Variants in EML1 observed in about 807,000 individuals in gnomAD.
The protein encoded by EML1 is EMAP like 1.
In EML1, 27 loss-of-function variants were observed where a neutral mutation model predicts 110.4. The ratio of observed to expected loss-of-function variants is 0.24; its 90% CI spans 0.18 to 0.34. The LOEUF is 0.34. Ranked by LOEUF, EML1 falls within the 10% of genes least tolerant of loss-of-function variation. The pLI, the probability that EML1 is intolerant of heterozygous loss-of-function variation, is 1.00. For missense variants in EML1, 741 were observed against 1,030.9 expected (o/e 0.72, Z 3.85); for synonymous variants, 344 against 385.8 (o/e 0.89, Z 1.27).
chr14:99,927,800 TGGGGGG>T (rs1242810612), intron 17 of EML1, among the ~76,000 whole-genome samples: 6 of 1,460 alleles, frequency 4.1e-3, no homozygotes, highest in Non-Finnish European at 5.5e-3. Context: ...GTATTGGTGG[TGGGGGG>T]GGTGGGGGGG....
At chr14:99,739,156 T>TGTGTGTGGG (rs2057011852) in intron 1 of EML1, among the ~76,000 whole-genome samples, 1 of 91,004 alleles carries the variant, frequency 1.1e-5, no homozygotes, top group African/African-American at 4.8e-5. Context: ...GTGTGTGTGT[T>TGTGTGTGGG]GGGGAGGGGT....
intron 1 of EML1, among the ~76,000 whole-genome samples, chr14:99,843,535 C>T (rs1481755119): frequency 6.6e-6 from 1 of 152,190 alleles, no homozygotes; most frequent in Non-Finnish European, 1.5e-5. Context: ...AATATTATAA[C>T]AACCCTATGA....
At chr14:99,914,332 A>G in intron 14 of EML1, 28 bp downstream of exon 14, 1 of 1,597,006 alleles carries the variant, frequency 6.3e-7, no homozygotes, top group Non-Finnish European at 8.6e-7. Flanking sequence ...AGGCCCGGCA[A>G]ACACTCTCAT....
chr14:99,819,262 G>A (rs1314828991), intron 1 of EML1, among the ~76,000 whole-genome samples: 1 of 152,140 alleles, frequency 6.6e-6, no homozygotes. Context: ...GCCAGAACAT[G>A]CTTTTAAATG....
rs1000845252 is a variant in EML1, at chr14:99,941,763, G to A, written c.*1651G>A. ...GCCTAATTACCATACTCAATTGTCA[G>A]TTTACGTGGTTTTGTGAATACTGGC... On this transcript the variant is annotated 3_prime_UTR_variant, in exon 22 of 22. Coordinates refer to ENST00000262233, the MANE Select transcript of EML1 (RefSeq NM_004434.3). The A allele has an allele frequency of 6.6e-6, 1 of 152,162 alleles. No individual in the cohort carries two copies. The highest frequency in any genetic ancestry group is 1.5e-5 in the Non-Finnish European group (1 of 68,038). The allele number at this position is 152,162 out of a possible 1,614,324, so 9.4% of individuals were successfully genotyped here.
intron 1 of EML1, among the ~76,000 whole-genome samples, chr14:99,766,854 A>G (rs57791716): frequency 1.1e-4 from 17 of 152,174 alleles, no homozygotes; most frequent in African/African-American, 4.1e-4. Context: ...AAATGTTTGC[A>G]TGGAGAGAGA....
intron 2 of EML1, among the ~76,000 whole-genome samples, chr14:99,864,433 T>C (rs916656888): frequency 6.6e-6 from 1 of 152,234 alleles, no homozygotes; most frequent in African/African-American, 2.4e-5. Flanking sequence ...CTAGAAGTTT[T>C]ATAGTTTTGC....
intron 1 of EML1, among the ~76,000 whole-genome samples, chr14:99,747,063 C>T (rs1474705835): frequency 6.6e-6 from 1 of 151,870 alleles, no homozygotes. Flanking sequence ...ACCCGGGCAC[C>T]TGTAGTCCCA....
At position 99,850,352 on chromosome 14, in the gene EML1, A is replaced by G. The variant is rs115627515; in HGVS notation, c.68-501A>G. 7.8e-4 allele frequency: 1,009 copies of G among 1,289,048 alleles called. 3 individuals carry two copies. The African/African-American group carries it at 0.014, about 18-fold the overall frequency. The allele number at this position is 1,289,048 out of a possible 1,614,324, so 79.9% of individuals were successfully genotyped here. On this transcript the variant is annotated intron_variant, in intron 1 of 21. Coordinates refer to ENST00000262233, the MANE Select transcript of EML1 (RefSeq NM_004434.3). ...TTCTGAGTAAGAAAATATGATTACC[A>G]TAATTGTAAGGGTAGCTTGCCAAAC...
intron 5 of EML1, among the ~76,000 whole-genome samples, chr14:99,892,432 T>C (rs1267071766): frequency 6.6e-6 from 1 of 152,196 alleles, no homozygotes; most frequent in Non-Finnish European, 1.5e-5. Context: ...AATTTTTTTT[T>C]CATCTATGTA....
rs1450046781 is a variant in EML1, at chr14:99,851,010, G to A, written c.225G>A (p.Val75=). Residue 75 remains valine, a synonymous_variant, in exon 2 of 22, where the codon GTG becomes GTA. Transcript: ENST00000262233. ...ACATTACTGAGGAACAGCAGGCCGT[G>A]CTTAACAGGAAAGGACCTACCAAAG... ...RLNITEEQQA[V]LNRKGPTKAR... The A allele has an allele frequency of 1.4e-5, 22 of 1,613,820 alleles. No homozygotes were observed. Among genetic ancestry groups the A allele is most frequent in the Non-Finnish European group, 1.8e-5 (21 of 1,179,942 alleles).
At position 99,897,171 on chromosome 14, in the gene EML1, G is replaced by A; in HGVS notation, c.704G>A (p.Arg235His). ...TATGGGTACAGGGGTCGAGACTGCCGTAACAACCTGTACTTGCTTCCGACG... is the reference window on the plus strand; with the variant it reads ...TATGGGTACAGGGGTCGAGACTGCCATAACAACCTGTACTTGCTTCCGACG... The part of the protein sequence containing the change: ...WVYGYRGRDC[R>H]NNLYLLPTGE... The change falls in exon 7 of 22, where the codon CGT becomes CAT. Residue 235 changes from arginine to histidine, a missense_variant. Physicochemically the swap from Arg to His is conservative, Grantham distance 29 (BLOSUM62 0). This residue lies in a region of EML1 where 13 missense variants were observed against 47.2 expected (regional missense o/e 0.28). Transcript: ENST00000262233. 4 of 1,611,186 alleles carry A rather than the reference G, an allele frequency of 2.5e-6. No individual in the cohort carries two copies. The highest frequency in any genetic ancestry group is 3.4e-6 in the Non-Finnish European group (4 of 1,178,758).
chr14:99,767,958 G>A (rs1394284799), upstream of EML1, among the ~76,000 whole-genome samples: 3 of 152,162 alleles, frequency 2.0e-5, no homozygotes, highest in Non-Finnish European at 4.4e-5. Context: ...CTCAGAGCTG[G>A]CCTCAAGAAA....
intron 9 of EML1, among the ~76,000 whole-genome samples, chr14:99,903,102 A>G (rs936500088): frequency 6.6e-6 from 1 of 152,270 alleles, no homozygotes; most frequent in African/African-American, 2.4e-5. Flanking sequence ...AGAAACAAAT[A>G]TGCTTCAAAT....
Position 99,851,082 on chromosome 14 carries a change from G to T in EML1, c.250+47G>T, listed in dbSNP as rs569357402. The T allele has an allele frequency of 2.7e-4, 419 of 1,569,140 alleles. 1 individual carries two copies. In the South Asian group the frequency reaches 4.6e-3, roughly 17 times the overall value. ...GAACTTCAGTAGAATTGGTCTCGTG[G>T]CAGAATCTTGCTCTAGCAAACACAT... is the stretch of plus-strand genomic sequence containing the variant. On this transcript the variant is annotated intron_variant, in intron 2 of 21. Coordinates refer to ENST00000262233, the MANE Select transcript of EML1 (RefSeq NM_004434.3).
At chr14:99,869,169 T>TTTTTTTACA (rs1170640874) in intron 3 of EML1, among the ~76,000 whole-genome samples, 1 of 152,124 alleles carries the variant, frequency 6.6e-6, no homozygotes, top group African/African-American at 2.4e-5. Flanking sequence ...AGATACCACA[T>TTTTTTTACA]TTTTTTTACA....
chr14:99,753,515 C>T (rs2057207349), intron 1 of EML1, among the ~76,000 whole-genome samples: 1 of 151,916 alleles, frequency 6.6e-6, no homozygotes, highest in Admixed American at 6.5e-5. Context: ...CCTGGAACAC[C>T]TTGTGGTCCC....
chr14:99,739,104 CAGAG>C (rs1210048454), intron 1 of EML1, among the ~76,000 whole-genome samples: 6 of 52,866 alleles, frequency 1.1e-4, no homozygotes, highest in African/African-American at 2.5e-4. Context: ...GAGAGAGAGA[CAGAG>C]AGAGAGAGAG....
At chr14:99,896,325 T>C (rs2059670452) in intron 6 of EML1, among the ~76,000 whole-genome samples, 1 of 151,614 alleles carries the variant, frequency 6.6e-6, no homozygotes, top group South Asian at 2.1e-4. Flanking sequence ...TTTTTTAAAA[T>C]TACCACCTGT....
Sources: gnomAD v4.1 joint callset for allele counts (sites outside exome capture counted in the v4.1 genomes callset) on GRCh38, gnomAD v4.1.1 for gene constraint, gnomAD v4.1.1 regional missense constraint, MANE v1.5 for transcripts, NCBI Gene and HGNC (gene_info 2026-07-23, HGNC 2026-07-21) for gene names.